The following TBL3 variants were observed in gnomAD, a reference collection of about 807,000 sequenced individuals.
TBL3 encodes transducin beta like 3.
TBL3 carries 71 observed loss-of-function variants against 102.7 expected under a neutral mutation model. The observed-to-expected ratio is 0.69, with a 90% CI of 0.57 to 0.84. The LOEUF is 0.84. TBL3 is among the 40% of genes least tolerant of loss of function. The pLI is 0.00. For missense variants in TBL3, 1,188 were observed against 1,098.5 expected (o/e 1.08, Z -1.15); for synonymous variants, 578 against 477.7 (o/e 1.21, Z -2.74).
rs1473511361 is a variant in TBL3, at chr16:1,972,080, T to C, written c.-85T>C. ...AGCGCGCCGGGAGTGTGGCGTTCTGTGAAGAGTTCGGTGCTAACCTCCCTC... is the reference window on the plus strand; with the variant it reads ...AGCGCGCCGGGAGTGTGGCGTTCTGCGAAGAGTTCGGTGCTAACCTCCCTC... On this transcript the variant is annotated 5_prime_UTR_variant, in exon 1 of 22. Coordinates refer to ENST00000568546, the MANE Select transcript of TBL3 (RefSeq NM_006453.3). The C allele has an allele frequency of 7.3e-7, 1 of 1,376,234 alleles. No homozygotes were observed. Among genetic ancestry groups the C allele is most frequent in the Admixed American group, 3.4e-5 (1 of 29,558 alleles). The allele number at this position is 1,376,234 out of a possible 1,614,324, so 85.3% of individuals were successfully genotyped here.
Position 1,979,378 on chromosome 16 carries a change from C to A in TBL3, c.*693C>A. 1 of 1,590,188 alleles carries A rather than the reference C, an allele frequency of 6.3e-7. No individual in the cohort carries two copies. Among genetic ancestry groups the A allele is most frequent in the Non-Finnish European group, 8.5e-7 (1 of 1,174,016 alleles). ...CGAGGGGCGGGGTGTGGTTAGGGCCCCGCCCGCCTCGGCTAGCCTGCCCTG... is the reference window on the plus strand; with the variant it reads ...CGAGGGGCGGGGTGTGGTTAGGGCCACGCCCGCCTCGGCTAGCCTGCCCTG... On this transcript the variant is annotated 3_prime_UTR_variant, in exon 22 of 22. Transcript: ENST00000568546.
rs1394932682 is a variant in TBL3 at position 1,981,433 on chromosome 16, A to G, written c.*2748A>G. The G allele has an allele frequency of 2.2e-6, 2 of 892,064 alleles. No homozygotes were observed. Among genetic ancestry groups the G allele is most frequent in the African/African-American group, 1.7e-5 (1 of 59,378 alleles). 55.3% of individuals were successfully genotyped at this position (892,064 alleles called of 1,614,324 possible). ...AGGCAGAGCTGCTGGGAGGAAGAAG[A>G]AGAATGAGCTTTCCAGCCCTGGAGG... On this transcript the variant is annotated 3_prime_UTR_variant, in exon 22 of 22. Coordinates refer to ENST00000568546, the MANE Select transcript of TBL3 (RefSeq NM_006453.3).
Position 1,975,121 on chromosome 16 carries a change from AG to A in TBL3, c.635+28del, listed in dbSNP as rs781778530. 14 of 1,612,660 alleles carry A rather than the reference AG, an allele frequency of 8.7e-6. No homozygotes were observed. The South Asian group carries it at 1.4e-4, about 16-fold the overall frequency. On this transcript the variant is annotated intron_variant, in intron 7 of 21. Coordinates refer to ENST00000568546, the MANE Select transcript of TBL3 (RefSeq NM_006453.3). ...CAGGTCAGCAGTGGGCCCTGGTAGG[AG>A]GGGGAGGCTTGGAAAGTGGGGGCTG...
chr16:1,972,480 C>G (rs1047098455), intron 1 of TBL3, among the ~76,000 whole-genome samples: 4 of 152,104 alleles, frequency 2.6e-5, no homozygotes, highest in African/African-American at 9.7e-5. Context: ...CCAGAAGTCC[C>G]GATGAGGGGA....
Position 1,979,326 on chromosome 16 carries a change from A to T in TBL3, c.*641A>T. On this transcript the variant is annotated 3_prime_UTR_variant, in exon 22 of 22. Transcript: ENST00000568546. ...TTCCGGCCGCAGCAGCACCGCGGGG[A>T]GTAGGCCCGCCCGGTCGCCGTACCT... is the stretch of plus-strand genomic sequence containing the variant. The T allele has an allele frequency of 6.4e-7, 1 of 1,574,194 alleles. No individual in the cohort carries two copies. The highest frequency in any genetic ancestry group is 8.6e-7 in the Non-Finnish European group (1 of 1,167,646).
In TBL3 at chr16:1,977,557, G is replaced by A. The variant is rs780790451; in HGVS notation, c.1786G>A (p.Glu596Lys). Reference protein sequence around the residue: ...LVKLWTIKNNECVRTLDAHED... With the variant: ...LVKLWTIKNNKCVRTLDAHED... ...GAAGCTCTGGACCATCAAGAACAAC[G>A]AGTGTGTGCGGACGCTGGATGCCCA... The change falls in exon 17 of 22, where the codon GAG (glutamate) becomes AAG (lysine). Residue 596 changes from glutamate (E) to lysine (K), a missense_variant. Glu to Lys is a moderately conservative substitution (Grantham distance 56). Transcript: ENST00000568546. 1.0e-5 allele frequency: 16 copies of A among 1,595,436 alleles called. No individual in the cohort carries two copies. The highest frequency in any genetic ancestry group is 6.7e-5 in the South Asian group (6 of 89,098).
At position 1,977,348 on chromosome 16, in the gene TBL3, C is replaced by A. The variant is rs1292009789; in HGVS notation, c.1672-8C>A. The A allele has an allele frequency of 1.2e-6, 2 of 1,613,416 alleles. No individual in the cohort carries two copies. The highest frequency in any genetic ancestry group is 1.7e-6 in the Non-Finnish European group (2 of 1,180,016). On this transcript the variant is annotated splice_polypyrimidine_tract_variant and splice_region_variant and intron_variant, in intron 15 of 21. Coordinates refer to ENST00000568546, the MANE Select transcript of TBL3 (RefSeq NM_006453.3). ...GTGACATCTCATGCCCTACCCCCCA[C>A]CTTGCAGACATTTGAGGGGCACGAT...
Position 1,979,604 on chromosome 16 carries a change from C to A in TBL3, c.*919C>A. Reference sequence around the variant, plus strand: ...ACAGAGGACGAGGCCCGCCCGCACCCTTCTCCACATTCTCCTTGCTTGAGT... The same window carrying A: ...ACAGAGGACGAGGCCCGCCCGCACCATTCTCCACATTCTCCTTGCTTGAGT... On this transcript the variant is annotated 3_prime_UTR_variant, in exon 22 of 22. Coordinates refer to ENST00000568546, the MANE Select transcript of TBL3 (RefSeq NM_006453.3). 7.0e-7 allele frequency: 1 copy of A among 1,437,656 alleles called. No individual in the cohort carries two copies. The highest frequency in any genetic ancestry group is 1.2e-5 in the South Asian group (1 of 81,034). The allele number at this position is 1,437,656 out of a possible 1,614,324, so 89.1% of individuals were successfully genotyped here.
rs2083430489 is a variant in TBL3 at position 1,978,810 on chromosome 16, C to G, written c.*125C>G. On this transcript the variant is annotated 3_prime_UTR_variant, in exon 22 of 22. Coordinates refer to ENST00000568546, the MANE Select transcript of TBL3 (RefSeq NM_006453.3). ...CACCCTGGCCAACACCCTACCTAGC[C>G]AGCCAGAAGGGCACTGGAGCTGATG... is the stretch of plus-strand genomic sequence containing the variant. 4.5e-6 allele frequency: 6 copies of G among 1,322,120 alleles called. No individual in the cohort carries two copies. Among genetic ancestry groups the G allele is most frequent in the Admixed American group, 4.4e-5 (2 of 45,500 alleles). The allele number at this position is 1,322,120 out of a possible 1,614,324, so 81.9% of individuals were successfully genotyped here. A position where few individuals can be genotyped will look rare whatever the true frequency, so the allele number is the denominator to read the frequency against.
Position 1,976,794 on chromosome 16 carries a change from C to T in TBL3, c.1293-20C>T. On this transcript the variant is annotated intron_variant, in intron 13 of 21. Transcript: ENST00000568546. ...TGGCTGGGGCTCAGCTGTGTCTCCT[C>T]CTCTCCTGTTGGGTCACAGGCTGAA... 6.2e-7 allele frequency: 1 copy of T among 1,612,388 alleles called. No homozygotes were observed. The highest frequency in any genetic ancestry group is 1.1e-5 in the South Asian group (1 of 91,078).
chr16:1,981,246 A>G lies in TBL3; in HGVS notation c.*2561A>G. 6.2e-7 allele frequency: 1 copy of G among 1,605,600 alleles called. No homozygotes were observed. The highest frequency in any genetic ancestry group is 1.7e-5 in the Admixed American group (1 of 59,522). On this transcript the variant is annotated 3_prime_UTR_variant, in exon 22 of 22. Transcript: ENST00000568546. ...ACCCTTCTGCCTCCCCGTGCTTGAG[A>G]GGGCTCTGGGGGACCCAGAAAACCC...
intron 7 of TBL3, 37 bp downstream of exon 7, chr16:1,975,135 A>C (rs747882887): frequency 1.2e-6 from 2 of 1,613,132 alleles, no homozygotes; most frequent in South Asian, 2.2e-5. Flanking sequence ...GGAGGCTTGG[A>C]AAGTGGGGGC....
rs996375104 is a variant in TBL3, at chr16:1,979,745, G to C, written c.*1060G>C. The C allele has an allele frequency of 7.1e-7, 1 of 1,412,502 alleles. No individual in the cohort carries two copies. Among genetic ancestry groups the C allele is most frequent in the African/African-American group, 1.4e-5 (1 of 69,892 alleles). 87.5% of individuals were successfully genotyped at this position (1,412,502 alleles called of 1,614,324 possible). On this transcript the variant is annotated 3_prime_UTR_variant, in exon 22 of 22. Coordinates refer to ENST00000568546, the MANE Select transcript of TBL3 (RefSeq NM_006453.3). ...TGCTTCTGGCCCAGTCTTGCCACAC[G>C]GTCAAGCCGCAGTGGTGGCGTGAGG...
chr16:1,973,931 C>A, intron 1 of TBL3, 125 bp from the exon 2 acceptor site: 1 of 1,033,698 alleles, frequency 9.7e-7, no homozygotes, highest in Non-Finnish European at 1.3e-6. Context: ...CCTGTCCCTG[C>A]TGTTGCCCAG....
rs201737538 is a variant in TBL3 at position 1,978,273 on chromosome 16, G to C, written c.2135-40G>C. On this transcript the variant is annotated intron_variant, in intron 20 of 21. Coordinates refer to ENST00000568546, the MANE Select transcript of TBL3 (RefSeq NM_006453.3). ...CGGTGGGCAAGGGCCAGTCATGGCA[G>C]ATTGGCTGGGCAAGACGATGAGGGT... 1.9e-6 allele frequency: 3 copies of C among 1,611,746 alleles called. No individual in the cohort carries two copies. In the East Asian group the frequency reaches 6.7e-5, roughly 36 times the overall value.
Position 1,981,945 on chromosome 16 carries a change from G to A in TBL3, c.*3260G>A, listed in dbSNP as rs375837786. 9.9e-5 allele frequency: 15 copies of A among 152,284 alleles called. No individual in the cohort carries two copies. The East Asian group carries it at 2.7e-3, about 28-fold the overall frequency. The allele number at this position is 152,284 out of a possible 1,614,324, so 9.4% of individuals were successfully genotyped here. ...GGTGGGGGTGGTGGTCAGGGAAGTG[G>A]TCACTAGGGCTGTTTTGAGAACCAC... On this transcript the variant is annotated 3_prime_UTR_variant, in exon 22 of 22. Transcript: ENST00000568546.
Position 1,974,286 on chromosome 16 carries a change from G to A in TBL3, c.183G>A (p.Leu61=). Residue 61 remains leucine, a synonymous_variant, in exon 3 of 22, where the codon CTG becomes CTA. Transcript: ENST00000568546. ...EVASGAVLRS[L]EQEDQEDITA... is the part of the protein sequence containing the mutation. ...CCTCGGGGGCCGTGCTGCGGAGTCTGGAGCAGGTGAGGGCAGCCTGGGTGG... is the reference window on the plus strand; with the variant it reads ...CCTCGGGGGCCGTGCTGCGGAGTCTAGAGCAGGTGAGGGCAGCCTGGGTGG... 2.5e-6 allele frequency: 4 copies of A among 1,593,316 alleles called. No homozygotes were observed. Among genetic ancestry groups the A allele is most frequent in the Non-Finnish European group, 3.4e-6 (4 of 1,168,132 alleles).
chr16:1,979,957 G>A lies in TBL3; in HGVS notation c.*1272G>A. On this transcript the variant is annotated 3_prime_UTR_variant, in exon 22 of 22. Transcript: ENST00000568546. ...AATCTCGAGGCTCCCTCGGGTCCAG[G>A]AGCAGAGGAGCAAATCCCTGGGTTC... 6.3e-7 allele frequency: 1 copy of A among 1,583,124 alleles called. No individual in the cohort carries two copies. The highest frequency in any genetic ancestry group is 8.6e-7 in the Non-Finnish European group (1 of 1,165,084).
In TBL3 at chr16:1,980,696, G is replaced by A; in HGVS notation, c.*2011G>A. 1 of 1,606,554 alleles carries A rather than the reference G, an allele frequency of 6.2e-7. No homozygotes were observed. The highest frequency in any genetic ancestry group is 8.5e-7 in the Non-Finnish European group (1 of 1,176,922). ...GAACGCGGTCAGATCTCCGCAGCAG[G>A]CCCGCCTCCACCGGGAAGGTCTCCT... is the stretch of plus-strand genomic sequence containing the variant. On this transcript the variant is annotated 3_prime_UTR_variant, in exon 22 of 22. Coordinates refer to ENST00000568546, the MANE Select transcript of TBL3 (RefSeq NM_006453.3).
Sources: allele counts gnomAD v4.1 joint callset (sites outside exome capture counted in the v4.1 genomes callset), GRCh38; gene constraint gnomAD v4.1.1; transcripts MANE v1.5; gene names NCBI Gene and HGNC (gene_info 2026-07-23, HGNC 2026-07-21).